KDM3B: variants seen among roughly 807,000 people sequenced by gnomAD.
KDM3B encodes the protein lysine-specific demethylase 3B.
In KDM3B, 10 loss-of-function variants were observed where a neutral mutation model predicts 170.0. The observed-to-expected ratio is 0.06, with a 90% CI of 0.04 to 0.10. The LOEUF is 0.10. Among genes scored for constraint, KDM3B ranks in the 10% least tolerant of loss-of-function variants. The probability of loss-of-function intolerance (pLI) is 1.00; values close to 1 mark genes in which losing one functional copy is unlikely to be tolerated. For missense variants in KDM3B, 1,394 were observed against 2,195.2 expected, an observed-to-expected ratio of 0.64 and a Z score of 7.29; for synonymous variants, 831 against 834.8, an observed-to-expected ratio of 1.00 and a Z score of 0.08.
At chr5:138,358,078 A>G (rs1761498791) in intron 1 of KDM3B, among the ~76,000 whole-genome samples, 1 of 150,642 alleles carries the variant, frequency 6.6e-6, no homozygotes, top group Admixed American at 6.6e-5. Flanking sequence ...GCTCACTGCA[A>G]CCTCTGCCTC....
At chr5:138,368,534 G>A (rs1273127875) in intron 1 of KDM3B, among the ~76,000 whole-genome samples, 1 of 152,080 alleles carries the variant, frequency 6.6e-6, no homozygotes, top group Non-Finnish European at 1.5e-5. Context: ...GTGGGCCACA[G>A]CGTCCCACTT....
intron 8 of KDM3B, among the ~76,000 whole-genome samples, chr5:138,392,734 C>G (rs182437908): frequency 9.2e-5 from 14 of 152,212 alleles, no homozygotes; most frequent in Non-Finnish European, 1.6e-4. Flanking sequence ...TATCAAAATC[C>G]ATTAACTTGT....
chr5:138,389,429 C>T (rs549688186), intron 7 of KDM3B, among the ~76,000 whole-genome samples: 23 of 152,046 alleles, frequency 1.5e-4, no homozygotes, highest in African/African-American at 4.3e-4. Flanking sequence ...TTTTGTTTAT[C>T]GGGAATCACT....
intron 11 of KDM3B, among the ~76,000 whole-genome samples, chr5:138,404,993 A>G (rs538069930): frequency 6.6e-6 from 1 of 151,538 alleles, no homozygotes; most frequent in Admixed American, 6.6e-5. Context: ...TGCCCATCTC[A>G]GCCTCCCAAA....
chr5:138,423,924 C>T, intron 15 of KDM3B, 151 bp from the exon 16 acceptor site: 1 of 656,226 alleles, frequency 1.5e-6, no homozygotes, highest in Non-Finnish European at 2.4e-6. Context: ...CTTATTATCC[C>T]CCTTCCAGTT....
At chr5:138,418,445 A>G (rs578244425) in intron 13 of KDM3B, among the ~76,000 whole-genome samples, 2 of 152,160 alleles carry the variant, frequency 1.3e-5, no homozygotes, top group Non-Finnish European at 2.9e-5. Context: ...CAACACTGCT[A>G]CAACACATCG....
intron 22 of KDM3B, 104 bp downstream of exon 22, chr5:138,430,529 T>A: frequency 9.7e-7 from 1 of 1,026,666 alleles, no homozygotes; most frequent in South Asian, 1.6e-5. Flanking sequence ...ATTGGACTGA[T>A]CTCTCTTATG....
intron 15 of KDM3B, 145 bp from the exon 16 acceptor site, chr5:138,423,930 C>T (rs2126998261): frequency 1.4e-6 from 1 of 691,026 alleles, no homozygotes; most frequent in East Asian, 2.8e-5. Flanking sequence ...ATCCCCCTTC[C>T]AGTTGTAAAA....
intron 19 of KDM3B, 44 bp from the exon 20 acceptor site, chr5:138,427,923 C>T: frequency 6.3e-7 from 1 of 1,589,674 alleles, no homozygotes; most frequent in Non-Finnish European, 8.6e-7. Context: ...TGGATTCTTC[C>T]AAATATTGGC....
rs1305441386 is a variant in KDM3B, at chr5:138,375,164, G to A, written c.432G>A (p.Glu144=). ...CAGTGGAATATCTTCTGGATCGAGA[G>A]CTTCGGTTCCTGTCAGATGCCAATG... ...VVPVEYLLDR[E]LRFLSDANGL... Residue 144 remains glutamate, a synonymous_variant, in exon 3 of 24, where the codon GAG becomes GAA. Transcript: ENST00000314358. 3.1e-6 allele frequency: 5 copies of A among 1,613,740 alleles called. No individual in the cohort carries two copies. The highest frequency in any genetic ancestry group is 4.2e-6 in the Non-Finnish European group (5 of 1,179,858).
intron 1 of KDM3B, among the ~76,000 whole-genome samples, chr5:138,367,488 AT>A (rs1761772779): frequency 6.6e-6 from 1 of 152,226 alleles, no homozygotes; most frequent in Non-Finnish European, 1.5e-5. Context: ...TAAAAAACTT[AT>A]TTAAATGTCA....
Position 138,426,259 on chromosome 5 carries a change from T to C in KDM3B, c.4411+677T>C, listed in dbSNP as rs375967426. ...AAGCCCACCTTGTCCATTATGGGGG[T>C]TTACAAGTCTGAAATAAAAGGTTAA... On this transcript the variant is annotated intron_variant, in intron 17 of 23. Coordinates refer to ENST00000314358, the MANE Select transcript of KDM3B (RefSeq NM_016604.4). 5.2e-4 allele frequency among the ~76,000 whole-genome samples: 78 copies of C among 151,404 alleles called. No homozygotes were observed. The South Asian group carries it at 8.2e-3, about 16-fold the overall frequency.
chr5:138,420,124 G>A (rs1216147293), intron 14 of KDM3B, among the ~76,000 whole-genome samples: 1 of 152,212 alleles, frequency 6.6e-6, no homozygotes. Context: ...CCGACCTCAA[G>A]TGATACACCT....
chr5:138,384,368 G>A (rs951278591), intron 6 of KDM3B, among the ~76,000 whole-genome samples: 1 of 152,196 alleles, frequency 6.6e-6, no homozygotes, highest in Non-Finnish European at 1.5e-5. Context: ...GGGAGGCCGA[G>A]GTGGGCAGAT....
chr5:138,379,742 C>T (rs1399571232), intron 5 of KDM3B, 34 bp downstream of exon 5: 1 of 1,590,310 alleles, frequency 6.3e-7, no homozygotes, highest in East Asian at 2.3e-5. Context: ...TAAGGTCCAT[C>T]CATCCCCTTA....
chr5:138,368,372 A>G (rs1443720478), intron 1 of KDM3B, among the ~76,000 whole-genome samples: 1 of 151,490 alleles, frequency 6.6e-6, no homozygotes, highest in Non-Finnish European at 1.5e-5. Context: ...AGTGGGGACT[A>G]CAGATGTACC....
intron 3 of KDM3B, among the ~76,000 whole-genome samples, chr5:138,376,719 A>G (rs1032392780): frequency 6.6e-6 from 1 of 151,676 alleles, no homozygotes; most frequent in African/African-American, 2.4e-5. Flanking sequence ...AAAAAGAAAA[A>G]AAAAAAAAAA....
At chr5:138,374,521 G>A (rs1163937671) in intron 2 of KDM3B, among the ~76,000 whole-genome samples, 2 of 152,140 alleles carry the variant, frequency 1.3e-5, no homozygotes, top group East Asian at 1.9e-4. Flanking sequence ...GCCTCCCAAA[G>A]TGCTGGGATT....
At chr5:138,430,498 C>G in intron 22 of KDM3B, 73 bp downstream of exon 22, 2 of 1,372,838 alleles carry the variant, frequency 1.5e-6, no homozygotes, top group Non-Finnish European at 2.0e-6. Flanking sequence ...TGCTAATCTA[C>G]CAAGAGATTT....
Sources: gnomAD v4.1 joint callset for allele counts (sites outside exome capture counted in the v4.1 genomes callset) on GRCh38, gnomAD v4.1.1 for gene constraint, MANE v1.5 for transcripts, NCBI Gene and HGNC (gene_info 2026-07-23, HGNC 2026-07-21) for gene names.